CYP19A1: variants seen among roughly 807,000 people sequenced by gnomAD.
CYP19A1 encodes the protein cytochrome P450 family 19 subfamily A member 1, also known as aromatase.
CYP19A1 carries 32 observed loss-of-function variants against 44.4 expected under a neutral mutation model. The ratio of observed to expected loss-of-function variants is 0.72; its 90% confidence interval spans 0.54 to 0.97. The LOEUF (loss-of-function observed/expected upper bound fraction) is 0.97, where lower values mean the gene tolerates loss of function less well. CYP19A1 is among the 50% of genes least tolerant of loss of function. CYP19A1 has a pLI of 0.00. For synonymous variants in CYP19A1, 212 were observed against 215.6 expected, an observed-to-expected ratio of 0.98 and a Z score of 0.14; for missense variants, 598 against 637.8, an observed-to-expected ratio of 0.94 and a Z score of 0.67.
At chr15:51,261,022 C>T (rs886904849) in intron 1 of CYP19A1, among the ~76,000 whole-genome samples, 1 of 152,190 alleles carries the variant, frequency 6.6e-6, no homozygotes. Context: ...CCCACCTCTC[C>T]GGATCCAGCA....
intron 1 of CYP19A1, among the ~76,000 whole-genome samples, chr15:51,249,377 T>C (rs1374895749): frequency 6.6e-6 from 1 of 152,198 alleles, no homozygotes; most frequent in African/African-American, 2.4e-5. Context: ...CCCACTGGTT[T>C]CCCAAGACAA....
intron 1 of CYP19A1, among the ~76,000 whole-genome samples, chr15:51,296,816 A>G (rs991064580): frequency 4.6e-5 from 7 of 152,198 alleles, no homozygotes; most frequent in Non-Finnish European, 8.8e-5. Context: ...AAAATAAATT[A>G]TTGGGGAGCA....
chr15:51,218,491 A>C lies in CYP19A1; in HGVS notation c.743+50T>G, dbSNP rs762538028. 5 of 1,572,592 alleles carry C rather than the reference A, an allele frequency of 3.2e-6. No homozygotes were observed. The East Asian group carries it at 9.3e-5, about 29-fold the overall frequency. ...GAAAAACAGCAAAGACACAAGGGAA[A>C]AAAACCAATCCAATTGTACTCATAA... On this transcript the variant is annotated intron_variant, in intron 6 of 9. Coordinates refer to ENST00000396402, the MANE Select transcript of CYP19A1 (RefSeq NM_000103.4).
rs976639318 is a variant in CYP19A1, at chr15:51,214,922, G to A, written c.1021+148C>T. ...GAGCTATCTTTTCCGTCTATCTGGT[G>A]TAATCAAATGTGACAGAATGTCTTG... On this transcript the variant is annotated intron_variant, in intron 8 of 9. Transcript: ENST00000396402. The A allele has an allele frequency of 7.6e-5, 95 of 1,254,868 alleles. 1 individual carries two copies. The African/African-American group carries it at 1.1e-3, about 14-fold the overall frequency. The allele number at this position is 1,254,868 out of a possible 1,614,324, so 77.7% of individuals were successfully genotyped here. A position where few individuals can be genotyped will look rare whatever the true frequency, so the allele number is the denominator to read the frequency against.
intron 1 of CYP19A1, among the ~76,000 whole-genome samples, chr15:51,334,805 G>T (rs2036752245): frequency 6.6e-6 from 1 of 152,214 alleles, no homozygotes; most frequent in Non-Finnish European, 1.5e-5. Flanking sequence ...CCTGGCTGCA[G>T]AGATTAAGAT....
At position 51,223,593 on chromosome 15, in the gene CYP19A1, T is replaced by TCACACACACACACACA. The variant is rs5812545; in HGVS notation, c.452-1084_452-1069dup. Among the ~76,000 whole-genome samples, 346 of 90,188 alleles carry TCACACACACACACACA rather than the reference T, an allele frequency of 3.8e-3. 15 individuals are homozygous for TCACACACACACACACA. The highest frequency in any genetic ancestry group is 0.032 in the South Asian group (56 of 1,772). 59.2% of individuals were successfully genotyped at this position (90,188 alleles called of 152,430 possible). A position where few individuals can be genotyped will look rare whatever the true frequency, so the allele number is the denominator to read the frequency against. ...CTTGCTCTCTCTCTCTCTCTCTCTCTCACACACACACACACACACACACAC... is the reference window on the plus strand; with the variant it reads ...CTTGCTCTCTCTCTCTCTCTCTCTCTCACACACACACACACACACACACACACACACACACACACAC... On this transcript the variant is annotated intron_variant, in intron 4 of 9. Coordinates refer to ENST00000396402, the MANE Select transcript of CYP19A1 (RefSeq NM_000103.4).
At chr15:51,247,010 T>C (rs2034088252) in intron 1 of CYP19A1, among the ~76,000 whole-genome samples, 1 of 152,232 alleles carries the variant, frequency 6.6e-6, no homozygotes, top group African/African-American at 2.4e-5. Context: ...ACCTTACTAC[T>C]GCCTGATCTG....
At position 51,210,931 on chromosome 15, in the gene CYP19A1, C is replaced by T. The variant is rs2030901681; in HGVS notation, c.1389G>A (p.Leu463=). 1.2e-6 allele frequency: 2 copies of T among 1,608,902 alleles called. No homozygotes were observed. Among genetic ancestry groups the T allele is most frequent in the Non-Finnish European group, 1.7e-6 (2 of 1,175,378 alleles). The change falls in exon 10 of 10, where the codon TTG becomes TTA. Residue 463 remains leucine (L), a synonymous_variant. Coordinates refer to ENST00000396402, the MANE Select transcript of CYP19A1 (RefSeq NM_000103.4). ...GTATGCTCTCAACACACTGTCCTTG[C>T]AATGTCTTCACGTGGAATCGTCTCA... The part of the protein sequence containing the change: ...TLLRRFHVKT[L]QGQCVESIQK...
chr15:51,240,004 C>G (rs747507716), intron 2 of CYP19A1, among the ~76,000 whole-genome samples: 1 of 152,054 alleles, frequency 6.6e-6, no homozygotes, highest in Non-Finnish European at 1.5e-5. Context: ...AGTCCTGACC[C>G]AGATCAGTGG....
chr15:51,295,523 T>A (rs2035976541), intron 1 of CYP19A1, among the ~76,000 whole-genome samples: 1 of 152,164 alleles, frequency 6.6e-6, no homozygotes, highest in Non-Finnish European at 1.5e-5. Flanking sequence ...AACACCCTAG[T>A]CCTCAAAAGC....
chr15:51,222,218 G>A, intron 5 of CYP19A1, 131 bp downstream of exon 5: 1 of 1,508,040 alleles, frequency 6.6e-7, no homozygotes, highest in Non-Finnish European at 8.9e-7. Flanking sequence ...AAAAAAACGA[G>A]GAGTACTTAG....
intron 1 of CYP19A1, among the ~76,000 whole-genome samples, chr15:51,302,987 G>C (rs1281392315): frequency 1.3e-5 from 2 of 152,218 alleles, no homozygotes; most frequent in Admixed American, 6.5e-5. Context: ...CTCAGGCTGG[G>C]AGTCTGCTTC....
intron 1 of CYP19A1, among the ~76,000 whole-genome samples, chr15:51,314,445 G>C (rs957511666): frequency 2.6e-5 from 4 of 152,130 alleles, no homozygotes; most frequent in African/African-American, 9.7e-5. Flanking sequence ...GGTGGCCCGG[G>C]GGTCCATGAA....
intron 1 of CYP19A1, among the ~76,000 whole-genome samples, chr15:51,294,628 GGT>G (rs1477118753): frequency 3.4e-5 from 5 of 147,684 alleles, no homozygotes; most frequent in South Asian, 2.1e-4. Flanking sequence ...CCGGGAGGGA[GGT>G]GGGGGGGTCA....
At chr15:51,235,752 AG>A (rs1356329629) in intron 3 of CYP19A1, among the ~76,000 whole-genome samples, 1 of 152,226 alleles carries the variant, frequency 6.6e-6, no homozygotes, top group Non-Finnish European at 1.5e-5. Context: ...AAAATTATGT[AG>A]TTTAGAAAAG....
intron 4 of CYP19A1, among the ~76,000 whole-genome samples, chr15:51,226,206 A>AC (rs1425597431): frequency 6.6e-6 from 1 of 151,824 alleles, no homozygotes; most frequent in African/African-American, 2.4e-5. Context: ...AAAGGACTCA[A>AC]CCCACTGTTG....
intron 1 of CYP19A1, among the ~76,000 whole-genome samples, chr15:51,292,050 G>T (rs867176252): frequency 6.6e-6 from 1 of 152,222 alleles, no homozygotes; most frequent in East Asian, 1.9e-4. Flanking sequence ...GCAAGGCAGA[G>T]AAGCTATTGA....
chr15:51,264,729 G>A (rs1391828875), intron 1 of CYP19A1, among the ~76,000 whole-genome samples: 1 of 152,164 alleles, frequency 6.6e-6, no homozygotes, highest in East Asian at 1.9e-4. Flanking sequence ...GTGGGGTGCA[G>A]GCAGAAAGTA....
intron 4 of CYP19A1, among the ~76,000 whole-genome samples, chr15:51,223,181 AC>A (rs60147032): frequency 0.13 from 20,220 of 152,082 alleles, 2,708 homozygotes; most frequent in African/African-American, 0.34. Context: ...CTCTTTAAGG[AC>A]AGTGACAGCC....
Sources: gnomAD v4.1 joint callset for allele counts (sites outside exome capture counted in the v4.1 genomes callset) on GRCh38, gnomAD v4.1.1 for gene constraint, MANE v1.5 for transcripts, NCBI Gene and HGNC (gene_info 2026-07-23, HGNC 2026-07-21) for gene names.